ANKRD29: variants seen among roughly 807,000 people sequenced by gnomAD.
The protein encoded by ANKRD29 is ankyrin repeat domain 29.
Under a neutral mutation model 38.0 loss-of-function variants are expected in ANKRD29, and 32 were observed. The observed-to-expected ratio is 0.84, with a 90% CI of 0.64 to 1.13. The LOEUF is 1.13. Ranked by LOEUF, ANKRD29 falls within the 50% of genes most tolerant of loss-of-function variation. The pLI is 0.00. For missense variants in ANKRD29, 357 were observed against 377.9 expected (o/e 0.94, Z 0.46); for synonymous variants, 135 against 152.4 (o/e 0.89, Z 0.84).
At chr18:23,602,260 T>C (rs1427558590) in intron 9 of ANKRD29, among the ~76,000 whole-genome samples, 1 of 152,050 alleles carries the variant, frequency 6.6e-6, no homozygotes, top group Admixed American at 6.5e-5. Context: ...GGTCTTGAAC[T>C]CCTGACCTCA....
In ANKRD29 at chr18:23,632,799, C is replaced by T. The variant is rs144839196; in HGVS notation, c.429+1252G>A. On this transcript the variant is annotated intron_variant, in intron 5 of 9. Transcript: ENST00000592179. Reference sequence around the variant, plus strand: ...ATTATCAAGTAATTCAATCATTCTACTGGTAATGTTGCAGGCTCAAAGTGT... The same window carrying T: ...ATTATCAAGTAATTCAATCATTCTATTGGTAATGTTGCAGGCTCAAAGTGT... Among the ~76,000 whole-genome samples the T allele has an allele frequency of 1.1e-3, 160 of 152,150 alleles. 4 individuals carry two copies. In the East Asian group the frequency reaches 0.029, roughly 28 times the overall value.
chr18:23,652,060 T>C (rs917383858), intron 1 of ANKRD29, among the ~76,000 whole-genome samples: 5 of 151,942 alleles, frequency 3.3e-5, no homozygotes, highest in South Asian at 2.1e-4. Flanking sequence ...TGGAAAAAAA[T>C]GATGAGTTCA....
chr18:23,657,178 G>A (rs1287253816), intron 1 of ANKRD29, among the ~76,000 whole-genome samples: 3 of 152,178 alleles, frequency 2.0e-5, no homozygotes, highest in East Asian at 1.9e-4. Context: ...CATGGAAAAC[G>A]TTGGCACCTG....
intron 3 of ANKRD29, among the ~76,000 whole-genome samples, chr18:23,642,429 G>A (rs1029199050): frequency 6.6e-6 from 1 of 152,130 alleles, no homozygotes; most frequent in Non-Finnish European, 1.5e-5. Flanking sequence ...GCCTCACACA[G>A]AGCTGGCACC....
intron 6 of ANKRD29, among the ~76,000 whole-genome samples, chr18:23,621,939 C>T (rs1047022618): frequency 2.0e-5 from 3 of 152,018 alleles, no homozygotes; most frequent in Non-Finnish European, 4.4e-5. Context: ...CCACCTCAGC[C>T]TCCCAAAGTG....
chr18:23,607,879 C>T (rs536376038), intron 9 of ANKRD29, among the ~76,000 whole-genome samples: 1 of 152,286 alleles, frequency 6.6e-6, no homozygotes, highest in South Asian at 2.1e-4. Flanking sequence ...GAACATAAGA[C>T]CCCTGCACCC....
intron 9 of ANKRD29, among the ~76,000 whole-genome samples, chr18:23,608,873 T>C (rs2059605512): frequency 6.6e-6 from 1 of 152,220 alleles, no homozygotes; most frequent in Admixed American, 6.5e-5. Flanking sequence ...GGCTCACGCC[T>C]GTAATCCCAG....
At chr18:23,610,921 C>T (rs1439026896) in intron 9 of ANKRD29, among the ~76,000 whole-genome samples, 1 of 152,242 alleles carries the variant, frequency 6.6e-6, no homozygotes, top group East Asian at 1.9e-4. Flanking sequence ...CTCAAGCAAT[C>T]TACCTGCCTC....
intron 9 of ANKRD29, among the ~76,000 whole-genome samples, chr18:23,611,708 T>C (rs1345345311): frequency 1.3e-5 from 2 of 151,628 alleles, no homozygotes; most frequent in East Asian, 1.9e-4. Flanking sequence ...AAACCATTGA[T>C]AGCGCCCTCA....
At chr18:23,634,521 C>T (rs746408670) in intron 4 of ANKRD29, among the ~76,000 whole-genome samples, 1 of 151,832 alleles carries the variant, frequency 6.6e-6, no homozygotes. Flanking sequence ...AACTCCTGAC[C>T]TCAAGTGATC....
chr18:23,619,446 G>A, intron 7 of ANKRD29, 85 bp downstream of exon 7: 1 of 1,296,270 alleles, frequency 7.7e-7, no homozygotes, highest in African/African-American at 1.5e-5. Context: ...AACCCATGTG[G>A]GCTGCAGACT....
chr18:23,656,193 C>T (rs909012926), intron 1 of ANKRD29, among the ~76,000 whole-genome samples: 1 of 151,552 alleles, frequency 6.6e-6, no homozygotes, highest in South Asian at 2.1e-4. Flanking sequence ...TTGCTGGAGG[C>T]AAAGTGGTAC....
At chr18:23,622,131 G>C (rs1434739718) in intron 6 of ANKRD29, among the ~76,000 whole-genome samples, 1 of 152,196 alleles carries the variant, frequency 6.6e-6, no homozygotes, top group Non-Finnish European at 1.5e-5. Context: ...CAGTGTCCTG[G>C]ATAGAGTGCT....
intron 3 of ANKRD29, among the ~76,000 whole-genome samples, chr18:23,645,291 A>G (rs1441000628): frequency 6.6e-6 from 1 of 152,310 alleles, no homozygotes; most frequent in African/African-American, 2.4e-5. Flanking sequence ...ATTGAGCCCC[A>G]AAGTATGTTA....
At chr18:23,635,077 A>T (rs924208417) in intron 4 of ANKRD29, among the ~76,000 whole-genome samples, 19 of 152,134 alleles carry the variant, frequency 1.2e-4, no homozygotes, top group African/African-American at 4.6e-4. Context: ...GCTCTTTAAA[A>T]GTGTGGCCCT....
At position 23,623,545 on chromosome 18, in the gene ANKRD29, G is replaced by T. The variant is rs377555949; in HGVS notation, c.529-3916C>A. Reference sequence around the variant, plus strand: ...CACACCTGTAATCCCAGCACTTTGGGGGGCCAAGGCGGGAGGATGGCTTGA... The same window carrying T: ...CACACCTGTAATCCCAGCACTTTGGTGGGCCAAGGCGGGAGGATGGCTTGA... On this transcript the variant is annotated intron_variant, in intron 6 of 9. Transcript: ENST00000592179. 6.8e-4 allele frequency among the ~76,000 whole-genome samples: 104 copies of T among 152,072 alleles called. 2 individuals carry two copies. In the South Asian group the frequency reaches 0.021, roughly 31 times the overall value.
In ANKRD29 at chr18:23,600,375, A is replaced by C. The variant is rs2059496945; in HGVS notation, c.*851T>G. 1 of 152,250 alleles carries C rather than the reference A, an allele frequency of 6.6e-6. No homozygotes were observed. The highest frequency in any genetic ancestry group is 6.5e-5 in the Admixed American group (1 of 15,280). The allele number at this position is 152,250 out of a possible 1,614,324, so 9.4% of individuals were successfully genotyped here. A position where few individuals can be genotyped will look rare whatever the true frequency, so the allele number is the denominator to read the frequency against. On this transcript the variant is annotated 3_prime_UTR_variant, in exon 10 of 10. Transcript: ENST00000592179. ...CGGTGTTGGAAACTCAAGATTCCAC[A>C]GCATGTTAGGTATACTTACTTATAG...
At chr18:23,631,161 G>T (rs1330057245) in intron 5 of ANKRD29, among the ~76,000 whole-genome samples, 1 of 151,604 alleles carries the variant, frequency 6.6e-6, no homozygotes, top group Non-Finnish European at 1.5e-5. Context: ...TACTCAAGAG[G>T]CTGAGGCAGG....
chr18:23,646,048 G>A, intron 3 of ANKRD29, 141 bp downstream of exon 3: 1 of 739,736 alleles, frequency 1.4e-6, no homozygotes, highest in Non-Finnish European at 2.2e-6. Context: ...GGACCTCATT[G>A]TAGGCACAAT....
Sources: gnomAD v4.1 joint callset for allele counts (sites outside exome capture counted in the v4.1 genomes callset) on GRCh38, gnomAD v4.1.1 for gene constraint, MANE v1.5 for transcripts, NCBI Gene and HGNC (gene_info 2026-07-23, HGNC 2026-07-21) for gene names.